CSMD3: variants seen among roughly 807,000 people sequenced by gnomAD.
The protein encoded by CSMD3 is CUB and sushi domain-containing protein 3.
In CSMD3, 177 loss-of-function variants were observed where a neutral mutation model predicts 435.2. The observed-to-expected ratio is 0.41, with a 90% CI of 0.36 to 0.46. CSMD3 has a LOEUF of 0.46. Among genes scored for constraint, CSMD3 ranks in the 20% least tolerant of loss-of-function variants. The probability of loss-of-function intolerance (pLI) is 0.34; values close to 1 mark genes in which losing one functional copy is unlikely to be tolerated. For synonymous variants in CSMD3, 1,656 were observed against 1,520.5 expected, an observed-to-expected ratio of 1.09 and a Z score of -2.07; for missense variants, 4,265 against 4,504.6, an observed-to-expected ratio of 0.95 and a Z score of 1.52.
chr8:113,038,762 T>C (rs866522727), intron 5 of CSMD3, among the ~76,000 whole-genome samples: 12 of 152,136 alleles, frequency 7.9e-5, no homozygotes, highest in Non-Finnish European at 1.0e-4. Context: ...GACCATAATA[T>C]AAAATCCCTC....
At chr8:112,536,171 T>C (rs1484796368) in intron 27 of CSMD3, among the ~76,000 whole-genome samples, 1 of 151,608 alleles carries the variant, frequency 6.6e-6, no homozygotes, top group African/African-American at 2.4e-5. Flanking sequence ...AATTGACAAA[T>C]GGGATCTAAT....
intron 32 of CSMD3, among the ~76,000 whole-genome samples, chr8:112,463,962 C>T (rs988198095): frequency 6.6e-6 from 1 of 152,092 alleles, no homozygotes; most frequent in Non-Finnish European, 1.5e-5. Flanking sequence ...GCTGGCTGGG[C>T]GAGGTGGCTC....
At chr8:113,331,058 A>T (rs2094024006) in intron 1 of CSMD3, among the ~76,000 whole-genome samples, 1 of 151,858 alleles carries the variant, frequency 6.6e-6, no homozygotes, top group Non-Finnish European at 1.5e-5. Flanking sequence ...AAATTGACAA[A>T]ACTTTATATA....
chr8:113,211,684 G>A (rs575991064), intron 3 of CSMD3, among the ~76,000 whole-genome samples: 5 of 152,004 alleles, frequency 3.3e-5, no homozygotes, highest in East Asian at 3.9e-4. Context: ...GGAAGACTCC[G>A]TCTCAAAAAA....
chr8:112,731,310 A>G (rs554184477), intron 13 of CSMD3, among the ~76,000 whole-genome samples: 1 of 152,254 alleles, frequency 6.6e-6, no homozygotes, highest in African/African-American at 2.4e-5. Flanking sequence ...AAAATGAGAA[A>G]GGTCATACCA....
chr8:112,667,841 T>A (rs554461250), intron 16 of CSMD3, among the ~76,000 whole-genome samples: 1 of 152,318 alleles, frequency 6.6e-6, no homozygotes, highest in Non-Finnish European at 1.5e-5. Context: ...TTTCTTTAAA[T>A]CTTCCCATTT....
At chr8:113,380,124 C>T (rs1006953312) in intron 1 of CSMD3, among the ~76,000 whole-genome samples, 1 of 152,098 alleles carries the variant, frequency 6.6e-6, no homozygotes, top group East Asian at 1.9e-4. Flanking sequence ...TTTTTTTTAA[C>T]CAGCTATAAC....
At chr8:112,620,431 C>T (rs1226628016) in intron 22 of CSMD3, among the ~76,000 whole-genome samples, 3 of 152,062 alleles carry the variant, frequency 2.0e-5, no homozygotes, top group African/African-American at 7.2e-5. Flanking sequence ...AGCTGACAGA[C>T]AAAATGAGTT....
intron 9 of CSMD3, among the ~76,000 whole-genome samples, chr8:112,945,478 G>C (rs903168226): frequency 2.0e-5 from 3 of 151,618 alleles, no homozygotes; most frequent in African/African-American, 7.3e-5. Context: ...TGGTGAGCCA[G>C]GGAGATCCTG....
chr8:112,858,875 T>TA (rs1292524748), intron 11 of CSMD3, among the ~76,000 whole-genome samples: 1 of 151,878 alleles, frequency 6.6e-6, no homozygotes, highest in Non-Finnish European at 1.5e-5. Flanking sequence ...AGGATACACT[T>TA]ACAACCTTCA....
intron 31 of CSMD3, among the ~76,000 whole-genome samples, chr8:112,473,075 G>A (rs1026527983): frequency 6.6e-6 from 1 of 152,138 alleles, no homozygotes; most frequent in African/African-American, 2.4e-5. Flanking sequence ...GGCAGGCTTT[G>A]GAATTCTACT....
At chr8:112,326,190 G>A (rs1192462193) in intron 45 of CSMD3, among the ~76,000 whole-genome samples, 1 of 152,184 alleles carries the variant, frequency 6.6e-6, no homozygotes, top group African/African-American at 2.4e-5. Flanking sequence ...ATTGTGAGGT[G>A]TGATGCAGCA....
chr8:112,747,796 T>C (rs1041634338), intron 13 of CSMD3, among the ~76,000 whole-genome samples: 1 of 151,814 alleles, frequency 6.6e-6, no homozygotes, highest in Admixed American at 6.6e-5. Context: ...ACCCCGTCTC[T>C]ACTAAAAATA....
chr8:112,522,596 C>G (rs1446776354), intron 27 of CSMD3, among the ~76,000 whole-genome samples: 1 of 151,842 alleles, frequency 6.6e-6, no homozygotes, highest in Admixed American at 6.6e-5. Context: ...ATGAACAAAA[C>G]TGTCATTTGT....
At chr8:112,242,094 G>C (rs1214677241) in intron 65 of CSMD3, among the ~76,000 whole-genome samples, 1 of 152,244 alleles carries the variant, frequency 6.6e-6, no homozygotes, top group East Asian at 1.9e-4. Context: ...AGCCAAAGTG[G>C]AGACAGTTGC....
rs112845557 is a variant in CSMD3, at chr8:112,680,286, C to T, written c.2677+2156G>A. ...GGCACAAGAATCTCTTGAACCCGGG[C>T]GGCGGAGGTTGCAGTCAGCAGAAAT... On this transcript the variant is annotated intron_variant, in intron 16 of 70. Coordinates refer to ENST00000297405, the MANE Select transcript of CSMD3 (RefSeq NM_198123.2). 1.2e-4 allele frequency among the ~76,000 whole-genome samples: 18 copies of T among 152,126 alleles called. No homozygotes were observed. In the South Asian group the frequency reaches 3.5e-3, roughly 30 times the overall value.
At chr8:112,479,139 A>G (rs554838860) in intron 31 of CSMD3, among the ~76,000 whole-genome samples, 2 of 152,342 alleles carry the variant, frequency 1.3e-5, no homozygotes, top group East Asian at 3.9e-4. Flanking sequence ...GCAAGCTGGG[A>G]CACATCAGCG....
chr8:112,229,387 A>G (rs149919303), intron 69 of CSMD3, among the ~76,000 whole-genome samples: 424 of 151,918 alleles, frequency 2.8e-3, no homozygotes, highest in African/African-American at 9.6e-3. Context: ...GGGAATAAAT[A>G]TCATTCTGAC....
In CSMD3 at chr8:112,970,298, TAACTTAAATATGGCATG is replaced by T; in HGVS notation, c.1342+5522_1342+5538del. Among the ~76,000 whole-genome samples the T allele has an allele frequency of 2.0e-5, 3 of 149,044 alleles. No individual in the cohort carries two copies. The South Asian group carries it at 6.3e-4, about 31-fold the overall frequency. ...GAAAAAGATATTTTAAGTTAAATATTAACTTAAATATGGCATGAACCCAGGAGGCGGAGCTTGCAGTG... is the reference window on the plus strand; with the variant it reads ...GAAAAAGATATTTTAAGTTAAATATTAACCCAGGAGGCGGAGCTTGCAGTG... On this transcript the variant is annotated intron_variant, in intron 7 of 70. Transcript: ENST00000297405.
Sources: gnomAD v4.1 joint callset for allele counts (sites outside exome capture counted in the v4.1 genomes callset) on GRCh38, gnomAD v4.1.1 for gene constraint, MANE v1.5 for transcripts, NCBI Gene and HGNC (gene_info 2026-07-23, HGNC 2026-07-21) for gene names.